The following CCDC7 variants were observed in gnomAD, a reference collection of about 807,000 sequenced individuals.
CCDC7 encodes coiled-coil domain containing 7, also known as coiled-coil domain-containing protein 7.
Under a neutral mutation model 196.9 loss-of-function variants are expected in CCDC7, and 183 were observed. That is an observed-to-expected ratio of 0.93 (90% CI 0.82 to 1.05). The LOEUF is 1.05. CCDC7 is among the 50% of genes least tolerant of loss of function. CCDC7 has a pLI of 0.00. For missense variants in CCDC7, 1,540 were observed against 1,482.2 expected (o/e 1.04, Z -0.64); for synonymous variants, 525 against 484.6 (o/e 1.08, Z -1.10).
chr10:32,826,833 G>A (rs2091196360), intron 32 of CCDC7, among the ~76,000 whole-genome samples: 1 of 152,242 alleles, frequency 6.6e-6, no homozygotes, highest in South Asian at 2.1e-4. Flanking sequence ...ACTTCGAGTG[G>A]TGCACCTGGT....
At chr10:32,759,664 C>T (rs980783037) in intron 28 of CCDC7, among the ~76,000 whole-genome samples, 6 of 152,232 alleles carry the variant, frequency 3.9e-5, no homozygotes, top group African/African-American at 1.4e-4. Context: ...TAGGCAATAC[C>T]TTTCAGGACA....
At chr10:32,753,073 G>A (rs574196920) in intron 28 of CCDC7, among the ~76,000 whole-genome samples, 2 of 152,212 alleles carry the variant, frequency 1.3e-5, no homozygotes, top group East Asian at 1.9e-4. Flanking sequence ...TATGTTTTAC[G>A]TTTTTAGAGT....
intron 11 of CCDC7, among the ~76,000 whole-genome samples, chr10:32,542,592 C>T (rs2051643105): frequency 7.4e-6 from 1 of 135,796 alleles, no homozygotes; most frequent in Admixed American, 8.6e-5. Flanking sequence ...GAGATCATGC[C>T]ACTGCATTCC....
intron 11 of CCDC7, among the ~76,000 whole-genome samples, chr10:32,532,745 G>A (rs1019188649): frequency 6.6e-6 from 1 of 151,940 alleles, no homozygotes; most frequent in African/African-American, 2.4e-5. Context: ...GTCTCTTTTT[G>A]CAATCTTAGA....
At chr10:32,610,466 G>A (rs1376569311) in intron 18 of CCDC7, among the ~76,000 whole-genome samples, 2 of 152,028 alleles carry the variant, frequency 1.3e-5, no homozygotes, top group Non-Finnish European at 2.9e-5. Context: ...TACATGTGCA[G>A]AATGTGCAGG....
chr10:32,544,227 T>C lies in CCDC7; in HGVS notation c.1080-20T>C. The C allele has an allele frequency of 1.9e-6, 3 of 1,591,754 alleles. No individual in the cohort carries two copies. The highest frequency in any genetic ancestry group is 2.6e-6 in the Non-Finnish European group (3 of 1,167,812). The stretch of plus-strand genomic sequence containing the variant: ...CATTTAAAAATATCATGATGCATTT[T>C]AAAACATTTTATGTTACAGGAAGAT... On this transcript the variant is annotated intron_variant, in intron 12 of 41. Coordinates refer to ENST00000639629, the Ensembl canonical transcript of CCDC7.
chr10:32,584,095 A>C, intron 17 of CCDC7, 137 bp from the exon 19 acceptor site: 1 of 367,216 alleles, frequency 2.7e-6, no homozygotes. Flanking sequence ...ATGAAAAATA[A>C]AATGTTTCTG....
At chr10:32,608,366 C>T (rs761404384) in intron 18 of CCDC7, among the ~76,000 whole-genome samples, 4 of 151,688 alleles carry the variant, frequency 2.6e-5, no homozygotes, top group African/African-American at 4.8e-5. Flanking sequence ...TTTTCTGGTT[C>T]CTTGAGGTGT....
chr10:32,492,828 T>G (rs2134532522), intron 9 of CCDC7, among the ~76,000 whole-genome samples: 1 of 152,250 alleles, frequency 6.6e-6, no homozygotes, highest in East Asian at 1.9e-4. Context: ...AGATGGTAAA[T>G]TTTATGTTAT....
rs561987149 is a variant in CCDC7 at position 32,640,660 on chromosome 10, C to T, written c.2014+5502C>T. ...AGTGGCTGGTACTGGTTGTTCCTTT[C>T]CATGTTTAGTGCTTCCTTCAGGAGC... On this transcript the variant is annotated intron_variant, in intron 20 of 41. Coordinates refer to ENST00000639629, the Ensembl canonical transcript of CCDC7. 4.3e-3 allele frequency among the ~76,000 whole-genome samples: 659 copies of T among 152,178 alleles called. 9 individuals are homozygous for T. The highest frequency in any genetic ancestry group is 3.4e-3 in the Middle Eastern group (1 of 294).
chr10:32,530,501 A>G (rs149647348), intron 11 of CCDC7, among the ~76,000 whole-genome samples: 1 of 152,254 alleles, frequency 6.6e-6, no homozygotes, highest in East Asian at 1.9e-4. Context: ...CACCACTTTT[A>G]TTAAACACAA....
At chr10:32,582,138 A>ATATATATATATATC (rs2058806022) in intron 16 of CCDC7, among the ~76,000 whole-genome samples, 1 of 121,358 alleles carries the variant, frequency 8.2e-6, no homozygotes, top group Non-Finnish European at 1.7e-5. Context: ...ATATATATAT[A>ATATATATATATATC]TACTTTTTTT....
intron 28 of CCDC7, among the ~76,000 whole-genome samples, chr10:32,750,963 G>A (rs80073621): frequency 0.14 from 21,831 of 152,062 alleles, 1,909 homozygotes; most frequent in African/African-American, 0.25. Flanking sequence ...AAGTGGCAGA[G>A]GATAAAAGGG....
At chr10:32,836,329 G>A (rs1397464949) in intron 33 of CCDC7, among the ~76,000 whole-genome samples, 2 of 152,012 alleles carry the variant, frequency 1.3e-5, no homozygotes, top group Non-Finnish European at 2.9e-5. Context: ...TCACTAAAAA[G>A]CAAACAGCAA....
At chr10:32,882,321 G>A (rs1470575033) in intron 22 of CCDC7, among the ~76,000 whole-genome samples, 3 of 152,120 alleles carry the variant, frequency 2.0e-5, no homozygotes, top group Non-Finnish European at 4.4e-5. Context: ...CATTAACGGC[G>A]AGGGGTGAGA....
At chr10:32,592,530 T>A (rs2059875358) in intron 18 of CCDC7, among the ~76,000 whole-genome samples, 1 of 150,986 alleles carries the variant, frequency 6.6e-6, no homozygotes. Flanking sequence ...TTTTTATTTT[T>A]GTTTTCATTT....
chr10:32,870,991 G>T lies in CCDC7; in HGVS notation c.4112-5356G>T, dbSNP rs573356533. 1.7e-3 allele frequency among the ~76,000 whole-genome samples: 257 copies of T among 152,254 alleles called. 3 individuals carry two copies. The highest frequency in any genetic ancestry group is 5.9e-3 in the African/African-American group (243 of 41,528). On this transcript the variant is annotated intron_variant, in intron 41 of 41. Coordinates refer to ENST00000639629, the Ensembl canonical transcript of CCDC7. Reference sequence around the variant, plus strand: ...GCTTTTTGATGTGCTGCTGGATTCGGTTTGCCAGTATTTTATTGAGGATTT... The same window carrying T: ...GCTTTTTGATGTGCTGCTGGATTCGTTTTGCCAGTATTTTATTGAGGATTT...
intron 28 of CCDC7, among the ~76,000 whole-genome samples, chr10:32,773,322 ATGT>A (rs1319955043): frequency 6.6e-6 from 1 of 151,956 alleles, no homozygotes; most frequent in East Asian, 1.9e-4. Context: ...AGCTTATTTG[ATGT>A]TGTCTCGTAA....
chr10:32,735,658 G>C (rs1483424690), intron 28 of CCDC7, among the ~76,000 whole-genome samples: 1 of 152,078 alleles, frequency 6.6e-6, no homozygotes, highest in Non-Finnish European at 1.5e-5. Flanking sequence ...CTTTCACAGA[G>C]CAGAATGTTT....
Sources: gnomAD v4.1 joint callset for allele counts (sites outside exome capture counted in the v4.1 genomes callset) on GRCh38, gnomAD v4.1.1 for gene constraint, MANE v1.5 for transcripts, NCBI Gene and HGNC (gene_info 2026-07-23, HGNC 2026-07-21) for gene names.